The following HIBADH variants were observed in gnomAD, a reference collection of about 807,000 sequenced individuals.
HIBADH encodes the protein 3-hydroxyisobutyrate dehydrogenase, mitochondrial.
In HIBADH, 25 loss-of-function variants were observed where a neutral mutation model predicts 36.1. The ratio of observed to expected loss-of-function variants is 0.69; its 90% CI spans 0.50 to 0.97. The LOEUF (loss-of-function observed/expected upper bound fraction) is 0.97, where lower values mean the gene tolerates loss of function less well. Among genes scored for constraint, HIBADH ranks in the 50% least tolerant of loss-of-function variants. The pLI is 0.00. For synonymous variants in HIBADH, 160 were observed against 149.5 expected (o/e 1.07, Z -0.51); for missense variants, 421 against 418.0 (o/e 1.01, Z -0.06).
rs544057730 is a variant in HIBADH, at chr7:27,574,716, T to C, written c.485-31616A>G. The stretch of plus-strand genomic sequence containing the variant: ...ATACTTGAAAAGAGCCCCCAAAATA[T>C]AGTTCAAGTTCAAAATCCATGTATC... On this transcript the variant is annotated intron_variant, in intron 4 of 7. Coordinates refer to ENST00000265395, the MANE Select transcript of HIBADH (RefSeq NM_152740.4). Among the ~76,000 whole-genome samples, 118 of 152,282 alleles carry C rather than the reference T, an allele frequency of 7.7e-4. 2 individuals carry two copies. Among genetic ancestry groups the C allele is most frequent in the African/African-American group, 2.6e-3 (109 of 41,558 alleles).
At chr7:27,598,619 TACA>T (rs770390720) in intron 4 of HIBADH, among the ~76,000 whole-genome samples, 2 of 152,036 alleles carry the variant, frequency 1.3e-5, no homozygotes, top group Admixed American at 6.6e-5. Flanking sequence ...GCAGTTTTAG[TACA>T]ACATTTATCA....
intron 1 of HIBADH, among the ~76,000 whole-genome samples, chr7:27,657,516 C>T (rs1246163194): frequency 6.6e-6 from 1 of 152,032 alleles, no homozygotes; most frequent in East Asian, 1.9e-4. Flanking sequence ...CTACTAAGAT[C>T]CTAGAAAAAC....
chr7:27,590,894 C>T (rs1439084901), intron 4 of HIBADH, among the ~76,000 whole-genome samples: 3 of 152,168 alleles, frequency 2.0e-5, no homozygotes, highest in Non-Finnish European at 4.4e-5. Context: ...CAGTGAGGGA[C>T]TCTGTTCGCT....
At chr7:27,540,082 T>C (rs1160923734) in intron 5 of HIBADH, among the ~76,000 whole-genome samples, 1 of 152,252 alleles carries the variant, frequency 6.6e-6, no homozygotes, top group East Asian at 1.9e-4. Flanking sequence ...GATAACTTTA[T>C]GGAAATTGTA....
chr7:27,640,216 T>C (rs1785936424), intron 2 of HIBADH, among the ~76,000 whole-genome samples: 1 of 152,236 alleles, frequency 6.6e-6, no homozygotes, highest in African/African-American at 2.4e-5. Context: ...ACTTAGGAAC[T>C]GCCTCTTCTT....
chr7:27,531,251 C>T lies in HIBADH; in HGVS notation c.793G>A (p.Asp265Asn). 2 of 1,614,064 alleles carry T rather than the reference C, an allele frequency of 1.2e-6. No individual in the cohort carries two copies. Among genetic ancestry groups the T allele is most frequent in the South Asian group, 2.2e-5 (2 of 91,076 alleles). Residue 265 changes from aspartate (D) to asparagine (N), a missense_variant, in exon 7 of 8, where the codon GAT becomes AAT. Asp to Asn is a conservative substitution (Grantham distance 23, BLOSUM62 1). Coordinates refer to ENST00000265395, the MANE Select transcript of HIBADH (RefSeq NM_152740.4). ...TAGTTATTAGCCGAGGGAACGCCATCCATCACTCCAGGTACAGGATTATAA... is the reference window on the plus strand; with the variant it reads ...TAGTTATTAGCCGAGGGAACGCCATTCATCACTCCAGGTACAGGATTATAA... ...DTYNPVPGVM[D>N]GVPSANNYQG...
chr7:27,602,819 C>G (rs1785154715), intron 4 of HIBADH, among the ~76,000 whole-genome samples: 1 of 152,094 alleles, frequency 6.6e-6, no homozygotes, highest in Admixed American at 6.6e-5. Context: ...TCATTATTTA[C>G]TCTTTCCTAC....
At chr7:27,588,858 AC>A (rs1382041611) in intron 4 of HIBADH, among the ~76,000 whole-genome samples, 1 of 152,122 alleles carries the variant, frequency 6.6e-6, no homozygotes, top group African/African-American at 2.4e-5. Flanking sequence ...TTGGCCTTAA[AC>A]CCCTAAAATC....
chr7:27,601,132 A>T (rs1411161551), intron 4 of HIBADH, among the ~76,000 whole-genome samples: 1 of 152,118 alleles, frequency 6.6e-6, no homozygotes, highest in African/African-American at 2.4e-5. Flanking sequence ...CATGATGAGT[A>T]TGGGCCGGTT....
chr7:27,620,043 G>A (rs1785509625), intron 4 of HIBADH, among the ~76,000 whole-genome samples: 2 of 152,302 alleles, frequency 1.3e-5, no homozygotes, highest in South Asian at 4.1e-4. Flanking sequence ...GAATCCAGCA[G>A]GATATGGTAG....
Position 27,540,466 on chromosome 7 carries a change from A to G in HIBADH, c.619-2049T>C, listed in dbSNP as rs999585871. Among the ~76,000 whole-genome samples, 4 of 152,288 alleles carry G rather than the reference A, an allele frequency of 2.6e-5. No homozygotes were observed. The East Asian group carries it at 7.7e-4, about 29-fold the overall frequency. On this transcript the variant is annotated intron_variant, in intron 5 of 7. Coordinates refer to ENST00000265395, the MANE Select transcript of HIBADH (RefSeq NM_152740.4). ...TTTTTGCCATATGCACAATCTCTTTAGTGATTTCCTTGATTGGCCCTGCCA... is the reference window on the plus strand; with the variant it reads ...TTTTTGCCATATGCACAATCTCTTTGGTGATTTCCTTGATTGGCCCTGCCA...
chr7:27,613,670 T>TTG (rs1554299073), intron 4 of HIBADH, among the ~76,000 whole-genome samples: 5 of 151,326 alleles, frequency 3.3e-5, no homozygotes, highest in Admixed American at 6.6e-5. Flanking sequence ...TTTTTGTTTT[T>TTG]TTTTTTTGAG....
chr7:27,603,370 T>C (rs1247840921), intron 4 of HIBADH, among the ~76,000 whole-genome samples: 1 of 152,184 alleles, frequency 6.6e-6, no homozygotes, highest in Non-Finnish European at 1.5e-5. Flanking sequence ...TGCAGTTAAA[T>C]TGGTTGTTCT....
At chr7:27,597,587 T>A (rs1785052955) in intron 4 of HIBADH, among the ~76,000 whole-genome samples, 1 of 152,124 alleles carries the variant, frequency 6.6e-6, no homozygotes, top group African/African-American at 2.4e-5. Context: ...GCATCCTGTA[T>A]CTCAGATGCC....
chr7:27,542,360 A>G (rs1287509235), intron 5 of HIBADH, among the ~76,000 whole-genome samples: 1 of 152,004 alleles, frequency 6.6e-6, no homozygotes. Context: ...ACTTCGAATA[A>G]GAGCAGTTTT....
chr7:27,619,956 A>G (rs184319635), intron 4 of HIBADH, among the ~76,000 whole-genome samples: 28 of 152,180 alleles, frequency 1.8e-4, no homozygotes, highest in African/African-American at 6.8e-4. Flanking sequence ...CAGATACAGG[A>G]GGTTCACCAA....
chr7:27,599,486 T>A (rs888243323), intron 4 of HIBADH, among the ~76,000 whole-genome samples: 2 of 151,702 alleles, frequency 1.3e-5, no homozygotes, highest in Non-Finnish European at 2.9e-5. Context: ...ATCGAGACGA[T>A]CCTGGCTAAC....
intron 4 of HIBADH, among the ~76,000 whole-genome samples, chr7:27,572,066 T>C (rs1413487646): frequency 2.6e-5 from 4 of 152,170 alleles, no homozygotes; most frequent in African/African-American, 9.7e-5. Flanking sequence ...AGGGTTGGCT[T>C]TCTCACTTTG....
intron 4 of HIBADH, among the ~76,000 whole-genome samples, chr7:27,605,925 G>C (rs1302929185): frequency 6.6e-6 from 1 of 152,086 alleles, no homozygotes; most frequent in Non-Finnish European, 1.5e-5. Flanking sequence ...TTTGGAAACT[G>C]AGCTGTTCTA....
Sources: gnomAD v4.1 joint callset for allele counts (sites outside exome capture counted in the v4.1 genomes callset) on GRCh38, gnomAD v4.1.1 for gene constraint, MANE v1.5 for transcripts, NCBI Gene and HGNC (gene_info 2026-07-23, HGNC 2026-07-21) for gene names.